The following LRBA variants were observed in gnomAD, a reference collection of about 807,000 sequenced individuals.
LRBA encodes the protein lipopolysaccharide-responsive and beige-like anchor protein.
Under a neutral mutation model 330.0 loss-of-function variants are expected in LRBA, and 176 were observed. That is an observed-to-expected ratio of 0.53 (90% CI 0.47 to 0.60). LRBA has a LOEUF of 0.60. Among genes scored for constraint, LRBA ranks in the 20% least tolerant of loss-of-function variants. The pLI is 0.00. For missense variants in LRBA, 3,259 were observed against 3,444.8 expected (o/e 0.95, Z 1.35); for synonymous variants, 1,230 against 1,193.0 (o/e 1.03, Z -0.64).
intron 47 of LRBA, among the ~76,000 whole-genome samples, chr4:150,360,019 A>G (rs1346914427): frequency 6.6e-6 from 1 of 152,090 alleles, no homozygotes. Flanking sequence ...CATGTTCAAT[A>G]GTGGAATGCA....
At chr4:150,585,414 G>T (rs1285266797) in intron 40 of LRBA, among the ~76,000 whole-genome samples, 1 of 152,094 alleles carries the variant, frequency 6.6e-6, no homozygotes, top group Non-Finnish European at 1.5e-5. Context: ...TATAACCAAA[G>T]AAAAATTATT....
At chr4:150,336,473 T>C (rs1734750352) in intron 48 of LRBA, among the ~76,000 whole-genome samples, 1 of 151,980 alleles carries the variant, frequency 6.6e-6, no homozygotes, top group Admixed American at 6.6e-5. Flanking sequence ...CAAATACATA[T>C]CATGATGGAA....
intron 17 of LRBA, among the ~76,000 whole-genome samples, chr4:150,877,356 G>C (rs1291933806): frequency 6.6e-6 from 1 of 150,878 alleles, no homozygotes. Context: ...AGAGAGAACA[G>C]AGAAAAAGAG....
chr4:150,983,733 G>C (rs922501987), intron 2 of LRBA, among the ~76,000 whole-genome samples: 1 of 151,528 alleles, frequency 6.6e-6, no homozygotes, highest in African/African-American at 2.4e-5. Flanking sequence ...GGGATTACAG[G>C]TGTGAGCCAC....
At chr4:150,696,963 G>A (rs190538813) in intron 36 of LRBA, among the ~76,000 whole-genome samples, 2 of 151,106 alleles carry the variant, frequency 1.3e-5, no homozygotes, top group Admixed American at 6.6e-5. Flanking sequence ...GTACTGAGCC[G>A]AGACTGCAGC....
rs1015418580 is a variant in LRBA, at chr4:150,614,778, C to T, written c.5922-15647G>A. On this transcript the variant is annotated intron_variant, in intron 37 of 56. Coordinates refer to ENST00000651943, the MANE Select transcript of LRBA (RefSeq NM_001364905.1). Reference sequence around the variant, plus strand: ...AGAAAGGACATACATGTAATCTACTCACATTCCACTCATCTCCCTAAGTCA... The same window carrying T: ...AGAAAGGACATACATGTAATCTACTTACATTCCACTCATCTCCCTAAGTCA... Among the ~76,000 whole-genome samples, 10 of 152,302 alleles carry T rather than the reference C, an allele frequency of 6.6e-5. No individual in the cohort carries two copies. The South Asian group carries it at 2.1e-3, about 32-fold the overall frequency.
chr4:150,560,980 C>T (rs1042011925), intron 40 of LRBA, among the ~76,000 whole-genome samples: 1 of 151,674 alleles, frequency 6.6e-6, no homozygotes, highest in African/African-American at 2.4e-5. Context: ...AGCGAAACTC[C>T]ATCTCAAAAA....
At chr4:150,394,225 AAC>A (rs1274506143) in intron 47 of LRBA, among the ~76,000 whole-genome samples, 1 of 152,180 alleles carries the variant, frequency 6.6e-6, no homozygotes, top group Non-Finnish European at 1.5e-5. Flanking sequence ...GAGGTTAAGT[AAC>A]ACAGCTGTGG....
intron 2 of LRBA, among the ~76,000 whole-genome samples, chr4:150,957,934 G>A (rs894125417): frequency 2.7e-5 from 4 of 149,462 alleles, no homozygotes; most frequent in African/African-American, 1.0e-4. Flanking sequence ...CTCCGCCCCT[G>A]TGGCTTTGCA....
chr4:150,427,103 T>A (rs1749739597), intron 46 of LRBA, among the ~76,000 whole-genome samples: 1 of 151,960 alleles, frequency 6.6e-6, no homozygotes, highest in Non-Finnish European at 1.5e-5. Flanking sequence ...ATATTTAGTA[T>A]GGGAGAAGAA....
At position 150,415,554 on chromosome 4, in the gene LRBA, A is replaced by G. The variant is rs1390507386; in HGVS notation, c.7078T>C (p.Phe2360Leu). Residue 2360 changes from phenylalanine to leucine, a missense_variant, in exon 47 of 57, where the codon TTT becomes CTT. By Grantham distance (22) the Phe-to-Leu change is conservative. Coordinates refer to ENST00000651943, the MANE Select transcript of LRBA (RefSeq NM_001364905.1). ...IPEFYYLPEM[F>L]VNFNNYNLGV... ...AGATTATAATTATTGAAGTTGACAA[A>G]CATCTCAGGGAGATAATAAAATTCA... 3 of 1,592,342 alleles carry G rather than the reference A, an allele frequency of 1.9e-6. No homozygotes were observed. The highest frequency in any genetic ancestry group is 2.6e-6 in the Non-Finnish European group (3 of 1,160,482).
intron 47 of LRBA, among the ~76,000 whole-genome samples, chr4:150,388,284 G>A (rs183546061): frequency 4.6e-5 from 7 of 152,362 alleles, no homozygotes; most frequent in Admixed American, 4.6e-4. Flanking sequence ...TCACAGGGGT[G>A]TAATTAGGGC....
chr4:150,526,070 A>G (rs1334713770), intron 40 of LRBA, among the ~76,000 whole-genome samples: 1 of 152,198 alleles, frequency 6.6e-6, no homozygotes, highest in East Asian at 1.9e-4. Context: ...ATTTGTGAGG[A>G]ATATATTTCT....
At chr4:150,553,109 C>T (rs578191658) in intron 40 of LRBA, among the ~76,000 whole-genome samples, 14 of 151,720 alleles carry the variant, frequency 9.2e-5, no homozygotes, top group African/African-American at 3.4e-4. Context: ...AAATGTGGCA[C>T]ATATACACTA....
intron 37 of LRBA, among the ~76,000 whole-genome samples, chr4:150,641,945 G>C (rs1188106649): frequency 6.6e-6 from 1 of 151,926 alleles, no homozygotes; most frequent in Non-Finnish European, 1.5e-5. Flanking sequence ...ACACTGGATG[G>C]TATTTGCTAT....
intron 36 of LRBA, among the ~76,000 whole-genome samples, chr4:150,685,420 A>C (rs28697211): frequency 2.9e-3 from 51 of 17,438 alleles, no homozygotes; most frequent in African/African-American, 0.012. Context: ...ATATATATAT[A>C]TTTTTTTTTT....
In LRBA at chr4:150,407,383, C is replaced by T. The variant is rs556522713; in HGVS notation, c.7194+8055G>A. Reference sequence around the variant, plus strand: ...CATTTAATAACAGAGCCCAAATATACATGAAGCAAAAACTGATAGAATTGA... The same window carrying T: ...CATTTAATAACAGAGCCCAAATATATATGAAGCAAAAACTGATAGAATTGA... On this transcript the variant is annotated intron_variant, in intron 47 of 56. Transcript: ENST00000651943. Among the ~76,000 whole-genome samples the T allele has an allele frequency of 4.6e-5, 7 of 152,234 alleles. No homozygotes were observed. The South Asian group carries it at 1.4e-3, about 32-fold the overall frequency.
At chr4:150,534,461 T>TTTTGC (rs1764422356) in intron 40 of LRBA, among the ~76,000 whole-genome samples, 1 of 151,566 alleles carries the variant, frequency 6.6e-6, no homozygotes, top group East Asian at 1.9e-4. Flanking sequence ...GATTTACACG[T>TTTTGC]TTTGCTTTAG....
In LRBA at chr4:150,924,295, T is replaced by C. The variant is rs187213058; in HGVS notation, c.550-3002A>G. ...AGGAGGCCAAGGTGGAGGGATCGCT[T>C]GAGCCTAGGGGTTTGAGACCAGCCT... On this transcript the variant is annotated intron_variant, in intron 4 of 56. Coordinates refer to ENST00000651943, the MANE Select transcript of LRBA (RefSeq NM_001364905.1). Among the ~76,000 whole-genome samples, 12 of 152,216 alleles carry C rather than the reference T, an allele frequency of 7.9e-5. No homozygotes were observed. The East Asian group carries it at 2.1e-3, about 27-fold the overall frequency.
Sources: gnomAD v4.1 joint callset for allele counts (sites outside exome capture counted in the v4.1 genomes callset) on GRCh38, gnomAD v4.1.1 for gene constraint, MANE v1.5 for transcripts, NCBI Gene and HGNC (gene_info 2026-07-23, HGNC 2026-07-21) for gene names.